FBXO11: variants seen among roughly 807,000 people sequenced by gnomAD.
FBXO11 encodes F-box only protein 11.
Under a neutral mutation model 117.0 loss-of-function variants are expected in FBXO11, and 13 were observed. The ratio of observed to expected loss-of-function variants is 0.11; its 90% CI spans 0.07 to 0.18. The LOEUF is 0.18. Among genes scored for constraint, FBXO11 ranks in the 10% least tolerant of loss-of-function variants. The pLI, the probability that FBXO11 is intolerant of heterozygous loss-of-function variation, is 1.00. For missense variants in FBXO11, 767 were observed against 1,164.4 expected (o/e 0.66, Z 4.97); for synonymous variants, 490 against 380.5 (o/e 1.29, Z -3.35).
chr2:47,809,116 C>T (rs1245501454), intron 21 of FBXO11, 42 bp downstream of exon 21: 1 of 1,254,468 alleles, frequency 8.0e-7, no homozygotes, highest in East Asian at 2.4e-5. Flanking sequence ...AAAAGGAAAT[C>T]AGTCTTCCTC....
chr2:47,809,138 C>G lies in FBXO11; in HGVS notation c.2555+20G>C, dbSNP rs747034865. 1 of 1,428,586 alleles carries G rather than the reference C, an allele frequency of 7.0e-7. No homozygotes were observed. Among genetic ancestry groups the G allele is most frequent in the South Asian group, 1.2e-5 (1 of 81,624 alleles). The allele number at this position is 1,428,586 out of a possible 1,614,324, so 88.5% of individuals were successfully genotyped here. A position where few individuals can be genotyped will look rare whatever the true frequency, so the allele number is the denominator to read the frequency against. On this transcript the variant is annotated intron_variant, in intron 21 of 22. Coordinates refer to ENST00000403359, the MANE Select transcript of FBXO11 (RefSeq NM_001190274.2). ...AATCAGTCTTCCTCTTTTCAGGACT[C>G]AAATATATTTCTAAGTTACCTGTAG...
rs551610345 is a variant in FBXO11 at position 47,869,748 on chromosome 2, C to T, written c.233-29979G>A. On this transcript the variant is annotated intron_variant, in intron 1 of 22. Transcript: ENST00000403359. ...TTTCAAGAAGAGCAAACCCCACTCA[C>T]GTGTTTTGCATCCTTTTTTGGGGCA... is the stretch of plus-strand genomic sequence containing the variant. Among the ~76,000 whole-genome samples, 9 of 152,346 alleles carry T rather than the reference C, an allele frequency of 5.9e-5. No homozygotes were observed. The South Asian group carries it at 6.2e-4, about 11-fold the overall frequency.
At chr2:47,844,386 C>T (rs1673244967) in intron 1 of FBXO11, among the ~76,000 whole-genome samples, 1 of 152,186 alleles carries the variant, frequency 6.6e-6, no homozygotes, top group Non-Finnish European at 1.5e-5. Flanking sequence ...CTCTAGGCCA[C>T]ATGCCTGGGT....
chr2:47,824,365 G>C (rs1671594462), intron 11 of FBXO11, among the ~76,000 whole-genome samples: 1 of 152,092 alleles, frequency 6.6e-6, no homozygotes, highest in Non-Finnish European at 1.5e-5. Context: ...GGTGACATGT[G>C]CCTATAAGCC....
At chr2:47,821,831 C>T (rs561681758) in intron 13 of FBXO11, among the ~76,000 whole-genome samples, 1 of 152,034 alleles carries the variant, frequency 6.6e-6, no homozygotes, top group Non-Finnish European at 1.5e-5. Context: ...GAGACTCACA[C>T]CTGCAATCCC....
intron 1 of FBXO11, among the ~76,000 whole-genome samples, chr2:47,886,766 T>A (rs974820591): frequency 3.3e-5 from 5 of 152,028 alleles, no homozygotes; most frequent in Admixed American, 1.3e-4. Flanking sequence ...GGTTACAAAA[T>A]AATACACACA....
intron 1 of FBXO11, among the ~76,000 whole-genome samples, chr2:47,895,301 A>C (rs1210202034): frequency 6.6e-6 from 1 of 152,248 alleles, no homozygotes. Flanking sequence ...ATACAATGTA[A>C]TACTAAACAG....
At chr2:47,809,382 C>G in intron 20 of FBXO11, 116 bp from the exon 21 acceptor site, 2 of 725,018 alleles carry the variant, frequency 2.8e-6, no homozygotes, top group South Asian at 4.0e-5. Context: ...TTAAATGAAG[C>G]TAACCAATGA....
chr2:47,866,518 G>C (rs1167176224), intron 1 of FBXO11, among the ~76,000 whole-genome samples: 1 of 151,028 alleles, frequency 6.6e-6, no homozygotes, highest in Non-Finnish European at 1.5e-5. Context: ...TCTGTCGCCA[G>C]GCTGGAGTAC....
In FBXO11 at chr2:47,807,291, CATAGT is replaced by C; in HGVS notation, c.*822_*826del. 4.6e-6 allele frequency: 1 copy of C among 218,460 alleles called. No homozygotes were observed. The highest frequency in any genetic ancestry group is 9.2e-6 in the Non-Finnish European group (1 of 108,668). The allele number at this position is 218,460 out of a possible 1,614,324, so 13.5% of individuals were successfully genotyped here. ...GAGACTTTCTAAAGTGTACTTAAAA[CATAGT>C]AGTTTTTTACCTTTCACAAAACTGA... On this transcript the variant is annotated 3_prime_UTR_variant, in exon 23 of 23. Coordinates refer to ENST00000403359, the MANE Select transcript of FBXO11 (RefSeq NM_001190274.2).
At chr2:47,827,155 G>A (rs140072303) in intron 11 of FBXO11, among the ~76,000 whole-genome samples, 2 of 152,186 alleles carry the variant, frequency 1.3e-5, no homozygotes, top group African/African-American at 4.8e-5. Context: ...TTTTCTCAAC[G>A]ACCTTAAAAT....
chr2:47,874,557 C>T (rs1675858133), intron 1 of FBXO11, among the ~76,000 whole-genome samples: 1 of 152,052 alleles, frequency 6.6e-6, no homozygotes, highest in South Asian at 2.1e-4. Context: ...AATTTTGAGA[C>T]AGAGTCTTGC....
intron 1 of FBXO11, among the ~76,000 whole-genome samples, chr2:47,899,834 A>G (rs1443873650): frequency 6.6e-6 from 1 of 152,212 alleles, no homozygotes; most frequent in Non-Finnish European, 1.5e-5. Context: ...GACAAGACAG[A>G]AACAAAATAA....
intron 1 of FBXO11, among the ~76,000 whole-genome samples, chr2:47,899,836 A>G (rs1471009757): frequency 1.3e-5 from 2 of 152,204 alleles, no homozygotes; most frequent in Non-Finnish European, 2.9e-5. Context: ...CAAGACAGAA[A>G]CAAAATAAGA....
rs140131539 is a variant in FBXO11 at position 47,863,273 on chromosome 2, A to G, written c.233-23504T>C. 1.4e-3 allele frequency among the ~76,000 whole-genome samples: 215 copies of G among 152,262 alleles called. 1 individual carries two copies. Among genetic ancestry groups the G allele is most frequent in the African/African-American group, 4.7e-3 (196 of 41,572 alleles). ...GAGCTAATTATTAAATTAGAATTCT[A>G]TTTACACTTTCTTGTTAGGAATAAT... On this transcript the variant is annotated intron_variant, in intron 1 of 22. Transcript: ENST00000403359.
chr2:47,810,201 C>T (rs749227627), intron 19 of FBXO11, 115 bp downstream of exon 19: 48 of 642,398 alleles, frequency 7.5e-5, no homozygotes, highest in Non-Finnish European at 1.1e-4. Flanking sequence ...GGCATTCAGC[C>T]ACTTCAGCAC....
chr2:47,886,441 G>A (rs573059352), intron 1 of FBXO11, among the ~76,000 whole-genome samples: 5 of 151,710 alleles, frequency 3.3e-5, no homozygotes, highest in Admixed American at 2.0e-4. Flanking sequence ...GGGAGGTGGA[G>A]GTTGCAGTGA....
intron 1 of FBXO11, among the ~76,000 whole-genome samples, chr2:47,856,395 C>G (rs1674296854): frequency 6.6e-6 from 1 of 152,070 alleles, no homozygotes; most frequent in African/African-American, 2.4e-5. Context: ...TGGACTATCT[C>G]AGGAAAGCAA....
intron 1 of FBXO11, among the ~76,000 whole-genome samples, chr2:47,875,467 C>T (rs972795305): frequency 2.0e-5 from 3 of 149,296 alleles, no homozygotes; most frequent in Non-Finnish European, 4.4e-5. Context: ...TTCCATCTTC[C>T]TTCTAGGAGA....
Sources: allele counts gnomAD v4.1 joint callset (sites outside exome capture counted in the v4.1 genomes callset), GRCh38; gene constraint gnomAD v4.1.1; transcripts MANE v1.5; gene names NCBI Gene and HGNC (gene_info 2026-07-23, HGNC 2026-07-21).